Variants in ATP9A observed in about 807,000 individuals in gnomAD.
ATP9A encodes ATPase phospholipid transporting 9A.
A neutral mutation model predicts 144.1 loss-of-function variants in ATP9A; 52 were observed. The ratio of observed to expected loss-of-function variants is 0.36; its 90% CI spans 0.29 to 0.45. The LOEUF (loss-of-function observed/expected upper bound fraction) is 0.45, where lower values mean the gene tolerates loss of function less well. Ranked by LOEUF, ATP9A falls within the 20% of genes least tolerant of loss-of-function variation. The pLI is 1.00. For synonymous variants in ATP9A, 582 were observed against 557.4 expected, an observed-to-expected ratio of 1.04 and a Z score of -0.62; for missense variants, 947 against 1,392.7, an observed-to-expected ratio of 0.68 and a Z score of 5.09.
intron 1 of ATP9A, among the ~76,000 whole-genome samples, chr20:51,738,430 G>A (rs777789877): frequency 3.9e-5 from 6 of 152,030 alleles, no homozygotes; most frequent in Admixed American, 2.6e-4. Flanking sequence ...TCGGCCAGGC[G>A]CAGTGACTCA....
At chr20:51,683,483 C>T (rs866248228) in intron 9 of ATP9A, among the ~76,000 whole-genome samples, 49 of 151,920 alleles carry the variant, frequency 3.2e-4, no homozygotes, top group African/African-American at 1.1e-3. Context: ...CGGGGTTCAC[C>T]GTGTTAGCCA....
chr20:51,727,447 G>A (rs1016009291), intron 2 of ATP9A, among the ~76,000 whole-genome samples: 3 of 151,966 alleles, frequency 2.0e-5, no homozygotes, highest in African/African-American at 4.8e-5. Flanking sequence ...TTAGCCAAGA[G>A]TGGTGGCATG....
rs2077140859 is a variant in ATP9A, at chr20:51,601,103, G to A, written c.*108C>T. The A allele has an allele frequency of 7.4e-7, 1 of 1,357,936 alleles. No homozygotes were observed. Among genetic ancestry groups the A allele is most frequent in the Non-Finnish European group, 9.9e-7 (1 of 1,007,680 alleles). The allele number at this position is 1,357,936 out of a possible 1,614,324, so 84.1% of individuals were successfully genotyped here. On this transcript the variant is annotated 3_prime_UTR_variant, in exon 28 of 28. Transcript: ENST00000338821. ...GCCACTTCCCATTAAAACTGCATGT[G>A]TTAGCAATTACTGCAAAATCCACAG... is the stretch of plus-strand genomic sequence containing the variant.
chr20:51,677,057 C>A (rs1026654382), intron 9 of ATP9A, among the ~76,000 whole-genome samples: 10 of 151,618 alleles, frequency 6.6e-5, no homozygotes, highest in Non-Finnish European at 1.2e-4. Context: ...CTTCAGCCTC[C>A]CGAGTAGCTG....
At chr20:51,660,000 T>A (rs990545053) in intron 13 of ATP9A, among the ~76,000 whole-genome samples, 5 of 152,204 alleles carry the variant, frequency 3.3e-5, no homozygotes, top group African/African-American at 1.2e-4. Context: ...TGCTTTTAAT[T>A]ATAAAGAATT....
chr20:51,757,042 G>A (rs1453476551), intron 1 of ATP9A, among the ~76,000 whole-genome samples: 1 of 152,094 alleles, frequency 6.6e-6, no homozygotes, highest in African/African-American at 2.4e-5. Flanking sequence ...GCAATGTCTG[G>A]AGACATTCTT....
At chr20:51,669,487 G>A (rs2426372) in intron 13 of ATP9A, among the ~76,000 whole-genome samples, 111,095 of 152,100 alleles carry the variant, frequency 0.73, 41,614 homozygotes, top group Middle Eastern at 0.83. Flanking sequence ...AAGGTAATCA[G>A]TAACGTCATG....
At chr20:51,704,496 C>A (rs148064194) in intron 4 of ATP9A, among the ~76,000 whole-genome samples, 1 of 151,952 alleles carries the variant, frequency 6.6e-6, no homozygotes, top group Admixed American at 6.6e-5. Flanking sequence ...AACTTTATAT[C>A]TGGGCGGGGC....
At chr20:51,745,686 G>A (rs756803446) in intron 1 of ATP9A, among the ~76,000 whole-genome samples, 2 of 152,032 alleles carry the variant, frequency 1.3e-5, no homozygotes, top group Admixed American at 1.3e-4. Context: ...ATAGTCCTGC[G>A]GTGGAGAGCC....
rs916801359 is a variant in ATP9A, at chr20:51,597,355, A to T, written c.*3856T>A. On this transcript the variant is annotated 3_prime_UTR_variant, in exon 28 of 28. Coordinates refer to ENST00000338821, the MANE Select transcript of ATP9A (RefSeq NM_006045.3). ...TCATGGGAATATTTTAAGTATATAT[A>T]AGTGGCAAAAAAGCTGTACATTAAA... 2.6e-5 allele frequency: 4 copies of T among 152,196 alleles called. No individual in the cohort carries two copies. The highest frequency in any genetic ancestry group is 4.4e-5 in the Non-Finnish European group (3 of 68,050). The allele number at this position is 152,196 out of a possible 1,614,324, so 9.4% of individuals were successfully genotyped here. A position where few individuals can be genotyped will look rare whatever the true frequency, so the allele number is the denominator to read the frequency against.
chr20:51,659,855 T>C (rs2077403912), intron 13 of ATP9A, among the ~76,000 whole-genome samples: 1 of 152,252 alleles, frequency 6.6e-6, no homozygotes, highest in African/African-American at 2.4e-5. Context: ...GACACAGCGC[T>C]CTGCCTTCCT....
intron 4 of ATP9A, among the ~76,000 whole-genome samples, chr20:51,703,769 A>G (rs2077603869): frequency 6.6e-6 from 1 of 152,196 alleles, no homozygotes; most frequent in African/African-American, 2.4e-5. Flanking sequence ...AATAAATTCC[A>G]GGGCAGTAAT....
chr20:51,644,188 T>TA (rs1164402149), intron 14 of ATP9A, among the ~76,000 whole-genome samples: 2 of 150,220 alleles, frequency 1.3e-5, no homozygotes, highest in Non-Finnish European at 3.0e-5. Context: ...TCTGTCTATG[T>TA]AAAAAAGCTT....
intron 15 of ATP9A, among the ~76,000 whole-genome samples, chr20:51,637,278 G>T (rs1163737329): frequency 1.7e-5 from 2 of 115,462 alleles, no homozygotes; most frequent in Admixed American, 1.1e-4. Context: ...TTTATTTTAA[G>T]TATCTTATTT....
chr20:51,763,029 T>C (rs984656903), intron 1 of ATP9A, among the ~76,000 whole-genome samples: 15 of 151,816 alleles, frequency 9.9e-5, no homozygotes, highest in African/African-American at 3.6e-4. Flanking sequence ...TGAAATTCTA[T>C]TACACAATAA....
intron 15 of ATP9A, among the ~76,000 whole-genome samples, chr20:51,634,170 C>T (rs149737094): frequency 6.6e-5 from 10 of 152,238 alleles, no homozygotes; most frequent in East Asian, 3.9e-4. Context: ...TGAAGAGTGG[C>T]GTATGCCATT....
In ATP9A at chr20:51,694,009, GCGGCCGTGGGGAGC is replaced by G; in HGVS notation, c.627_640del (p.Arg209SerfsTer18). On this transcript the variant is annotated frameshift_variant and splice_region_variant, in exon 7 of 28. Coordinates refer to ENST00000338821, the MANE Select transcript of ATP9A (RefSeq NM_006045.3). LOFTEE classifies it high-confidence loss of function. ...GCTTCTGCAGGGAAAGCTACTCACGGCGGCCGTGGGGAGCCTCTGCGTGCAGGCCACGGGAAGCC... is the reference window on the plus strand; with the variant it reads ...GCTTCTGCAGGGAAAGCTACTCACGGCTCTGCGTGCAGGCCACGGGAAGCC... 1 of 1,612,858 alleles carries G rather than the reference GCGGCCGTGGGGAGC, an allele frequency of 6.2e-7. No homozygotes were observed. Among genetic ancestry groups the G allele is most frequent in the Non-Finnish European group, 8.5e-7 (1 of 1,179,364 alleles).
At chr20:51,688,252 G>T (rs992638079) in intron 9 of ATP9A, among the ~76,000 whole-genome samples, 2 of 152,184 alleles carry the variant, frequency 1.3e-5, no homozygotes, top group Non-Finnish European at 2.9e-5. Flanking sequence ...GCTATCGGGG[G>T]TCATATTCAG....
chr20:51,687,135 G>A (rs1405430449), intron 9 of ATP9A, among the ~76,000 whole-genome samples: 1 of 152,110 alleles, frequency 6.6e-6, no homozygotes, highest in Non-Finnish European at 1.5e-5. Context: ...GGTGACATGG[G>A]TGGAAAGTGG....
Sources: allele counts gnomAD v4.1 joint callset (sites outside exome capture counted in the v4.1 genomes callset), GRCh38; gene constraint gnomAD v4.1.1; transcripts MANE v1.5; gene names NCBI Gene and HGNC (gene_info 2026-07-23, HGNC 2026-07-21).